The following ACOXL variants were observed in gnomAD, a reference collection of about 807,000 sequenced individuals.
The protein encoded by ACOXL is acyl-CoA oxidase like.
In ACOXL, 70 loss-of-function variants were observed where a neutral mutation model predicts 71.9. That is an observed-to-expected ratio of 0.97 (90% confidence interval 0.80 to 1.19). ACOXL has a LOEUF of 1.19. Ranked by LOEUF, ACOXL falls within the 50% of genes most tolerant of loss-of-function variation. The pLI, the probability that ACOXL is intolerant of heterozygous loss-of-function variation, is 0.00. For synonymous variants in ACOXL, 253 were observed against 281.6 expected, an observed-to-expected ratio of 0.90 and a Z score of 1.02; for missense variants, 703 against 736.3, an observed-to-expected ratio of 0.95 and a Z score of 0.52.
chr2:110,982,497 T>C (rs1409413845), intron 12 of ACOXL, among the ~76,000 whole-genome samples: 1 of 152,166 alleles, frequency 6.6e-6, no homozygotes, highest in Admixed American at 6.5e-5. Context: ...TTAAAGATTC[T>C]CCCCGAAGAC....
chr2:110,780,734 C>A (rs1683215947), intron 2 of ACOXL, among the ~76,000 whole-genome samples: 1 of 152,004 alleles, frequency 6.6e-6, no homozygotes, highest in African/African-American at 2.4e-5. Context: ...GATGGTGATA[C>A]AAAAAGAAGT....
At chr2:111,087,679 A>C (rs2068285193) in intron 16 of ACOXL, among the ~76,000 whole-genome samples, 1 of 152,238 alleles carries the variant, frequency 6.6e-6, no homozygotes, top group Non-Finnish European at 1.5e-5. Context: ...TTAAAGACTT[A>C]AATGTGAAAT....
At position 111,007,157 on chromosome 2, in the gene ACOXL, A is replaced by G. The variant is rs554672572; in HGVS notation, c.1281+11153A>G. On this transcript the variant is annotated intron_variant, in intron 14 of 17. Transcript: ENST00000439055. ...GTCACATAGTGCAACCCACTCATTT[A>G]CAGATAGGCAACCTAGGATCAAGAA... 2.1e-3 allele frequency among the ~76,000 whole-genome samples: 320 copies of G among 152,332 alleles called. 2 individuals are homozygous for G. The highest frequency in any genetic ancestry group is 1.6e-3 in the Non-Finnish European group (109 of 68,032).
At chr2:110,864,740 C>G (rs1694354636) in intron 10 of ACOXL, among the ~76,000 whole-genome samples, 1 of 152,252 alleles carries the variant, frequency 6.6e-6, no homozygotes, top group African/African-American at 2.4e-5. Flanking sequence ...ATTAACCAGG[C>G]TTTCACTAAC....
At chr2:111,089,793 C>T (rs2068425067) in intron 16 of ACOXL, among the ~76,000 whole-genome samples, 2 of 152,186 alleles carry the variant, frequency 1.3e-5, no homozygotes, top group South Asian at 4.1e-4. Context: ...TTCTGCCTTG[C>T]TTTGCATGTA....
chr2:111,021,556 G>C (rs374350960), intron 14 of ACOXL, among the ~76,000 whole-genome samples: 37 of 152,248 alleles, frequency 2.4e-4, no homozygotes, highest in African/African-American at 7.7e-4. Context: ...TTCTCTGGGA[G>C]ACTCTCCTTG....
chr2:111,056,896 C>T (rs567688097), intron 16 of ACOXL, among the ~76,000 whole-genome samples: 110 of 152,194 alleles, frequency 7.2e-4, no homozygotes, highest in Middle Eastern at 6.8e-3. Flanking sequence ...GGTCCCTCTT[C>T]GGAAACATTT....
chr2:110,749,391 A>G (rs1273253475), intron 1 of ACOXL, among the ~76,000 whole-genome samples: 1 of 152,186 alleles, frequency 6.6e-6, no homozygotes, highest in Non-Finnish European at 1.5e-5. Context: ...CCTGTTGTTA[A>G]CATCTTACAC....
intron 10 of ACOXL, among the ~76,000 whole-genome samples, chr2:110,865,614 GATAGAT>G (rs1055598274): frequency 1.3e-5 from 2 of 152,184 alleles, no homozygotes. Flanking sequence ...TTTTACAAGT[GATAGAT>G]GGAGCACATT....
At chr2:110,864,943 G>GCC (rs1186549214) in intron 10 of ACOXL, among the ~76,000 whole-genome samples, 1 of 152,214 alleles carries the variant, frequency 6.6e-6, no homozygotes, top group African/African-American at 2.4e-5. Context: ...AGGTTTTCTA[G>GCC]CAAGTGGGTT....
chr2:111,023,423 A>G (rs1156325271), intron 14 of ACOXL, among the ~76,000 whole-genome samples: 1 of 152,130 alleles, frequency 6.6e-6, no homozygotes, highest in African/African-American at 2.4e-5. Context: ...GCACTCCCTC[A>G]GGTTTCTGCT....
intron 9 of ACOXL, among the ~76,000 whole-genome samples, chr2:110,808,577 C>T (rs1264150354): frequency 1.3e-5 from 2 of 152,216 alleles, no homozygotes; most frequent in Non-Finnish European, 2.9e-5. Flanking sequence ...TACCCCCTCT[C>T]TCCACTGGGC....
At chr2:110,885,652 C>T (rs1031417949) in intron 10 of ACOXL, among the ~76,000 whole-genome samples, 1 of 152,124 alleles carries the variant, frequency 6.6e-6, no homozygotes, top group African/African-American at 2.4e-5. Flanking sequence ...TTGTGTGTAA[C>T]ATTGTGTATG....
intron 17 of ACOXL, among the ~76,000 whole-genome samples, chr2:111,104,790 T>G (rs914893902): frequency 9.2e-5 from 14 of 152,298 alleles, no homozygotes; most frequent in Middle Eastern, 6.8e-3. Context: ...ACTCTTTTAA[T>G]ATGGTCTTCA....
chr2:111,103,005 T>C (rs1002013367), intron 17 of ACOXL, among the ~76,000 whole-genome samples: 1 of 152,136 alleles, frequency 6.6e-6, no homozygotes, highest in African/African-American at 2.4e-5. Context: ...AGATAGCACA[T>C]AGGGGCCAAG....
chr2:110,834,205 G>T (rs776395797), intron 9 of ACOXL, among the ~76,000 whole-genome samples: 1 of 151,994 alleles, frequency 6.6e-6, no homozygotes, highest in African/African-American at 2.4e-5. Context: ...TATTTAACAC[G>T]TAATAAGAAT....
intron 10 of ACOXL, among the ~76,000 whole-genome samples, chr2:110,886,036 A>G (rs28448691): frequency 0.32 from 49,027 of 152,076 alleles, 8,163 homozygotes; most frequent in Middle Eastern, 0.39. Flanking sequence ...AATTTTAAAA[A>G]TTATTTTGTC....
intron 12 of ACOXL, chr2:110,963,857 G>T: frequency 4.9e-6 from 6 of 1,223,004 alleles, no homozygotes; most frequent in Non-Finnish European, 6.7e-6. Context: ...CTGAACAGGG[G>T]ATTACGTTAT....
intron 11 of ACOXL, among the ~76,000 whole-genome samples, chr2:110,915,428 A>ATTTTTT (rs56961921): frequency 1.4e-4 from 15 of 108,012 alleles, no homozygotes; most frequent in African/African-American, 5.4e-4. Context: ...ATATATATAT[A>ATTTTTT]TTTTTTTTTT....
Sources: gnomAD v4.1 joint callset for allele counts (sites outside exome capture counted in the v4.1 genomes callset) on GRCh38, gnomAD v4.1.1 for gene constraint, MANE v1.5 for transcripts, NCBI Gene and HGNC (gene_info 2026-07-23, HGNC 2026-07-21) for gene names.